RPS6KC1: variants seen among roughly 807,000 people sequenced by gnomAD.
RPS6KC1 encodes ribosomal protein S6 kinase C1.
A neutral mutation model predicts 103.8 loss-of-function variants in RPS6KC1; 54 were observed. The ratio of observed to expected loss-of-function variants is 0.52; its 90% confidence interval spans 0.42 to 0.65. The LOEUF (loss-of-function observed/expected upper bound fraction) is 0.65. Ranked by LOEUF, RPS6KC1 falls within the 30% of genes least tolerant of loss-of-function variation. The pLI, the probability that RPS6KC1 is intolerant of heterozygous loss-of-function variation, is 0.00. For synonymous variants in RPS6KC1, 439 were observed against 438.7 expected, an observed-to-expected ratio of 1.00 and a Z score of -0.01; for missense variants, 1,151 against 1,253.8, an observed-to-expected ratio of 0.92 and a Z score of 1.24.
In RPS6KC1 at chr1:213,141,069, G is replaced by C. The variant is rs376761236; in HGVS notation, c.835+11180G>C. Among the ~76,000 whole-genome samples the C allele has an allele frequency of 7.2e-4, 109 of 151,978 alleles. No homozygotes were observed. In the Middle Eastern group the frequency reaches 0.01, roughly 14 times the overall value. ...CCATCACCATGCCTGGCTAATTTTT[G>C]TATTTTTAGTAGAGACGGGGTTTCA... On this transcript the variant is annotated intron_variant, in intron 6 of 14. Transcript: ENST00000366960.
At chr1:213,753,262 T>C in the RPS6KC1 span, among the ~76,000 whole-genome samples, 2 of 152,100 alleles carry the variant, frequency 1.3e-5, no homozygotes, top group African/African-American at 2.4e-5. Flanking sequence ...AGGGGTAAAA[T>C]AGGAATTTCA....
At chr1:213,836,188 A>G in the RPS6KC1 span, 2 of 152,182 alleles carry the variant, frequency 1.3e-5, no homozygotes, top group Non-Finnish European at 2.9e-5. Context: ...AACAGAGTTA[A>G]GGGACACAGA....
the RPS6KC1 span, among the ~76,000 whole-genome samples, chr1:213,758,189 A>G: frequency 6.6e-6 from 1 of 152,214 alleles, no homozygotes; most frequent in Non-Finnish European, 1.5e-5. Context: ...TTATAAGGCT[A>G]TAACTCCCAT....
At chr1:213,139,849 T>C (rs567343024) in intron 6 of RPS6KC1, among the ~76,000 whole-genome samples, 45 of 152,178 alleles carry the variant, frequency 3.0e-4, no homozygotes, top group South Asian at 1.2e-3. Flanking sequence ...TCCAAATGAA[T>C]TTTAGAATTT....
the RPS6KC1 span, among the ~76,000 whole-genome samples, chr1:213,517,144 G>C: frequency 1.3e-5 from 2 of 152,024 alleles, no homozygotes; most frequent in African/African-American, 4.8e-5. Flanking sequence ...CTTGCTAGTA[G>C]TCTATCAATT....
At chr1:213,066,453 T>C (rs192306636) in intron 1 of RPS6KC1, among the ~76,000 whole-genome samples, 8 of 152,352 alleles carry the variant, frequency 5.3e-5, no homozygotes, top group Admixed American at 3.9e-4. Flanking sequence ...GTAGTTCCTT[T>C]TGTAAGCCTA....
At chr1:213,531,573 T>C in the RPS6KC1 span, among the ~76,000 whole-genome samples, 9 of 152,222 alleles carry the variant, frequency 5.9e-5, no homozygotes, top group African/African-American at 2.2e-4. Flanking sequence ...CAGTTCTGCC[T>C]GACTGGGAGC....
At chr1:213,796,706 C>T in the RPS6KC1 span, among the ~76,000 whole-genome samples, 1 of 152,148 alleles carries the variant, frequency 6.6e-6, no homozygotes, top group Non-Finnish European at 1.5e-5. Context: ...TTCACACAGG[C>T]ACATTTATCT....
intron 8 of RPS6KC1, among the ~76,000 whole-genome samples, chr1:213,212,829 G>A (rs967249710): frequency 6.6e-6 from 1 of 152,178 alleles, no homozygotes; most frequent in African/African-American, 2.4e-5. Flanking sequence ...CTGATGACAT[G>A]CAATGTTGAG....
At chr1:213,059,424 T>A (rs56782146) in intron 1 of RPS6KC1, among the ~76,000 whole-genome samples, 5,531 of 152,276 alleles carry the variant, frequency 0.036, 306 homozygotes, top group African/African-American at 0.13. Flanking sequence ...GCCTTGTTCT[T>A]GATGTTAGGA....
At chr1:213,811,353 A>T in the RPS6KC1 span, among the ~76,000 whole-genome samples, 2 of 152,178 alleles carry the variant, frequency 1.3e-5, no homozygotes, top group Non-Finnish European at 2.9e-5. Context: ...TTTCCAGAGC[A>T]CACAGTATGT....
chr1:213,569,539 G>C, the RPS6KC1 span, among the ~76,000 whole-genome samples: 1 of 151,834 alleles, frequency 6.6e-6, no homozygotes, highest in East Asian at 1.9e-4. Context: ...TACTCATTTT[G>C]TGTATCCAGG....
the RPS6KC1 span, among the ~76,000 whole-genome samples, chr1:213,342,230 C>T: frequency 6.6e-6 from 1 of 152,188 alleles, no homozygotes; most frequent in Non-Finnish European, 1.5e-5. Flanking sequence ...CCTGCTTGAT[C>T]TGACAATGCT....
the RPS6KC1 span, among the ~76,000 whole-genome samples, chr1:213,690,127 G>T: frequency 1.3e-5 from 2 of 152,092 alleles, no homozygotes; most frequent in African/African-American, 4.8e-5. Context: ...GCTCATATTT[G>T]TCCACTGCTT....
At chr1:213,327,396 A>C in the RPS6KC1 span, among the ~76,000 whole-genome samples, 24 of 152,248 alleles carry the variant, frequency 1.6e-4, no homozygotes, top group Admixed American at 5.2e-4. Context: ...CATGCAGAGC[A>C]GTCTCACAAA....
the RPS6KC1 span, among the ~76,000 whole-genome samples, chr1:213,298,013 T>C: frequency 6.6e-6 from 1 of 152,188 alleles, no homozygotes; most frequent in African/African-American, 2.4e-5. Context: ...GTCATCTCCA[T>C]TGAGCACTGC....
At chr1:213,508,012 G>A in the RPS6KC1 span, among the ~76,000 whole-genome samples, 2 of 152,180 alleles carry the variant, frequency 1.3e-5, no homozygotes, top group African/African-American at 4.8e-5. Flanking sequence ...TGATTAGGAG[G>A]CACCATCCCT....
At chr1:213,097,407 C>T (rs528680442) in intron 3 of RPS6KC1, among the ~76,000 whole-genome samples, 18 of 152,270 alleles carry the variant, frequency 1.2e-4, no homozygotes, top group African/African-American at 3.6e-4. Flanking sequence ...CAACAGTGGT[C>T]TTAAAATATT....
chr1:213,278,992 A>G (rs2095117918), downstream of RPS6KC1, among the ~76,000 whole-genome samples: 1 of 152,144 alleles, frequency 6.6e-6, no homozygotes, highest in Admixed American at 6.5e-5. Flanking sequence ...AGCTATGCGT[A>G]TTCTGTTTTG....
Sources: allele counts gnomAD v4.1 joint callset (sites outside exome capture counted in the v4.1 genomes callset), GRCh38; gene constraint gnomAD v4.1.1; transcripts MANE v1.5; gene names NCBI Gene and HGNC (gene_info 2026-07-23, HGNC 2026-07-21).